NRXN1: variants seen among roughly 807,000 people sequenced by gnomAD.
NRXN1 encodes neurexin 1, also known as neurexin-1.
Under a neutral mutation model 150.9 loss-of-function variants are expected in NRXN1, and 39 were observed. The ratio of observed to expected loss-of-function variants is 0.26; its 90% CI spans 0.20 to 0.34. The LOEUF is 0.34. NRXN1 is among the 10% of genes least tolerant of loss of function. NRXN1 has a pLI of 1.00. For synonymous variants in NRXN1, 924 were observed against 757.0 expected, an observed-to-expected ratio of 1.22 and a Z score of -3.62; for missense variants, 1,815 against 1,949.9, an observed-to-expected ratio of 0.93 and a Z score of 1.30.
chr2:51,032,106 A>T lies in NRXN1; in HGVS notation c.-1047T>A, dbSNP rs199653718. The T allele has an allele frequency of 1.3e-5, 2 of 152,890 alleles. No homozygotes were observed. The highest frequency in any genetic ancestry group is 2.4e-5 in the African/African-American group (1 of 41,354). 9.5% of individuals were successfully genotyped at this position (152,890 alleles called of 1,614,324 possible). On this transcript the variant is annotated 5_prime_UTR_variant, in exon 1 of 23. Transcript: ENST00000401669. Reference sequence around the variant, plus strand: ...TCAGAGGCGTCAGGCTTGAGCGTCTATCTCCAGGAGTGCGGGAGGGGAGAA... The same window carrying T: ...TCAGAGGCGTCAGGCTTGAGCGTCTTTCTCCAGGAGTGCGGGAGGGGAGAA...
At chr2:50,179,598 G>A (rs1429141955) in intron 18 of NRXN1, among the ~76,000 whole-genome samples, 2 of 152,144 alleles carry the variant, frequency 1.3e-5, no homozygotes, top group African/African-American at 2.4e-5. Flanking sequence ...GAGAACAGGA[G>A]CTTTTGTGAA....
intron 18 of NRXN1, among the ~76,000 whole-genome samples, chr2:50,149,639 G>C (rs2058582229): frequency 6.6e-6 from 1 of 151,472 alleles, no homozygotes; most frequent in Non-Finnish European, 1.5e-5. Context: ...TCCTTACCCA[G>C]CTAGCTTTTA....
intron 5 of NRXN1, among the ~76,000 whole-genome samples, chr2:50,834,289 A>G (rs1671798832): frequency 6.6e-6 from 1 of 152,202 alleles, no homozygotes; most frequent in South Asian, 2.1e-4. Flanking sequence ...TTCTAGGTGA[A>G]CAAGGGACAA....
intron 12 of NRXN1, among the ~76,000 whole-genome samples, chr2:50,510,485 CAAAAAAAAAAAAA>C (rs540578029): frequency 1.3e-4 from 5 of 39,696 alleles, no homozygotes; most frequent in African/African-American, 4.0e-4. Context: ...GACTCCATCT[CAAAAAAAAAAAAA>C]AAAAAAAAAA....
At chr2:50,715,825 T>C (rs1695802353) in intron 5 of NRXN1, among the ~76,000 whole-genome samples, 1 of 152,196 alleles carries the variant, frequency 6.6e-6, no homozygotes, top group Admixed American at 6.6e-5. Context: ...TATATTAATC[T>C]CCATATATTG....
chr2:49,972,521 T>A (rs1678132997), intron 21 of NRXN1: 1 of 152,176 alleles, frequency 6.6e-6, no homozygotes, highest in Admixed American at 6.5e-5. Flanking sequence ...TCATCCAAAG[T>A]CTAGTAAATA....
chr2:50,272,386 C>A (rs2069807905), intron 17 of NRXN1, among the ~76,000 whole-genome samples: 1 of 152,118 alleles, frequency 6.6e-6, no homozygotes, highest in Non-Finnish European at 1.5e-5. Context: ...CTTTAGTTTA[C>A]CACTACTATA....
chr2:50,031,529 A>G (rs1689179512), intron 21 of NRXN1, among the ~76,000 whole-genome samples: 1 of 152,148 alleles, frequency 6.6e-6, no homozygotes, highest in African/African-American at 2.4e-5. Flanking sequence ...TCATTTAGGC[A>G]TTCACAATAT....
intron 5 of NRXN1, among the ~76,000 whole-genome samples, chr2:50,773,252 T>C (rs1056502088): frequency 6.6e-6 from 1 of 152,192 alleles, no homozygotes; most frequent in African/African-American, 2.4e-5. Flanking sequence ...ATTAATTCTA[T>C]TTATTCAACT....
chr2:50,540,771 C>T (rs1033699730), intron 9 of NRXN1, among the ~76,000 whole-genome samples: 1 of 152,070 alleles, frequency 6.6e-6, no homozygotes, highest in Non-Finnish European at 1.5e-5. Flanking sequence ...AAGCAACTCT[C>T]ATGCCGCAGC....
intron 12 of NRXN1, among the ~76,000 whole-genome samples, chr2:50,515,974 C>G (rs1434194299): frequency 6.6e-6 from 1 of 152,124 alleles, no homozygotes; most frequent in African/African-American, 2.4e-5. Flanking sequence ...TTAAAGTAAT[C>G]TGTCCTCCAG....
chr2:50,201,208 T>C (rs997812495), intron 18 of NRXN1, among the ~76,000 whole-genome samples: 2 of 152,154 alleles, frequency 1.3e-5, no homozygotes, highest in African/African-American at 4.8e-5. Context: ...TACAATCTAA[T>C]GAGGAGCATA....
At chr2:50,984,134 ATTTTTTTT>A in intron 2 of NRXN1, among the ~76,000 whole-genome samples, 1 of 72,794 alleles carries the variant, frequency 1.4e-5, no homozygotes, top group Non-Finnish European at 2.4e-5. Flanking sequence ...CGCCAGGCTA[ATTTTTTTT>A]TTTTTTTTTT....
At chr2:49,997,538 G>C (rs1683197621) in intron 21 of NRXN1, among the ~76,000 whole-genome samples, 2 of 152,122 alleles carry the variant, frequency 1.3e-5, no homozygotes, top group East Asian at 3.9e-4. Context: ...ATCTCTAGCA[G>C]GACATTAATC....
At chr2:50,797,295 T>A (rs75160210) in intron 5 of NRXN1, among the ~76,000 whole-genome samples, 3,993 of 152,252 alleles carry the variant, frequency 0.026, 78 homozygotes, top group South Asian at 0.055. Flanking sequence ...CAACGGCATT[T>A]GCAACCAATA....
chr2:50,906,200 A>G lies in NRXN1; in HGVS notation c.832+15669T>C, dbSNP rs1039595184. ...TTAATATCATATTTGTAGATAACAC[A>G]GGGATAGAATTACATACGAGGAGAA... On this transcript the variant is annotated intron_variant, in intron 5 of 22. Transcript: ENST00000401669. 1.3e-5 allele frequency among the ~76,000 whole-genome samples: 2 copies of G among 152,174 alleles called. 1 individual carries two copies. The highest frequency in any genetic ancestry group is 4.1e-4 in the South Asian group (2 of 4,838).
At chr2:50,413,041 A>AT (rs2083300709) in intron 17 of NRXN1, among the ~76,000 whole-genome samples, 1 of 152,212 alleles carries the variant, frequency 6.6e-6, no homozygotes, top group African/African-American at 2.4e-5. Flanking sequence ...TTCATGAGGA[A>AT]TACACTACAA....
chr2:50,302,272 C>T (rs2074224785), intron 17 of NRXN1, among the ~76,000 whole-genome samples: 1 of 152,002 alleles, frequency 6.6e-6, no homozygotes, highest in Admixed American at 6.6e-5. Flanking sequence ...AAGTTTTCAA[C>T]TTTTCAATAA....
chr2:50,732,618 AG>A (rs1160367223), intron 5 of NRXN1, among the ~76,000 whole-genome samples: 1 of 152,190 alleles, frequency 6.6e-6, no homozygotes, highest in African/African-American at 2.4e-5. Flanking sequence ...CTAGCTTTAA[AG>A]TAAAATAGAG....
Sources: allele counts gnomAD v4.1 joint callset (sites outside exome capture counted in the v4.1 genomes callset), GRCh38; gene constraint gnomAD v4.1.1; transcripts MANE v1.5; gene names NCBI Gene and HGNC (gene_info 2026-07-23, HGNC 2026-07-21).